Variants in SIPA1L2 observed in about 807,000 individuals in gnomAD.
SIPA1L2 encodes signal-induced proliferation-associated 1-like protein 2.
In SIPA1L2, 56 loss-of-function variants were observed where a neutral mutation model predicts 163.9. That is an observed-to-expected ratio of 0.34 (90% CI 0.28 to 0.43). The LOEUF (loss-of-function observed/expected upper bound fraction) is 0.43. Ranked by LOEUF, SIPA1L2 falls within the 20% of genes least tolerant of loss-of-function variation. The pLI is 1.00. For synonymous variants in SIPA1L2, 877 were observed against 865.7 expected (o/e 1.01, Z -0.23); for missense variants, 1,974 against 2,193.5 (o/e 0.90, Z 2.00).
intron 1 of SIPA1L2, among the ~76,000 whole-genome samples, chr1:232,606,361 G>T (rs1661919667): frequency 6.6e-6 from 1 of 152,034 alleles, no homozygotes; most frequent in Non-Finnish European, 1.5e-5. Context: ...ATGTCAAAAA[G>T]CATAGTACCA....
At chr1:232,490,620 C>T in intron 5 of SIPA1L2, 1 of 384,460 alleles carries the variant, frequency 2.6e-6, no homozygotes, top group Non-Finnish European at 4.7e-6. Context: ...ATCAGATGCA[C>T]TCTTGCAAGC....
intron 3 of SIPA1L2, among the ~76,000 whole-genome samples, chr1:232,504,577 A>G (rs1040386605): frequency 6.6e-6 from 1 of 152,174 alleles, no homozygotes; most frequent in Non-Finnish European, 1.5e-5. Flanking sequence ...CAACCTCAAG[A>G]AGTATCAAAC....
intron 17 of SIPA1L2, among the ~76,000 whole-genome samples, chr1:232,426,649 G>A (rs1242337628): frequency 1.3e-5 from 2 of 151,936 alleles, no homozygotes; most frequent in Non-Finnish European, 2.9e-5. Flanking sequence ...AACAGAGCAA[G>A]ACTCCGTCTT....
chr1:232,542,338 G>A (rs1657736747), intron 2 of SIPA1L2, among the ~76,000 whole-genome samples: 1 of 152,148 alleles, frequency 6.6e-6, no homozygotes, highest in South Asian at 2.1e-4. Context: ...TTAAAGATGT[G>A]GGCATTTCAT....
intron 3 of SIPA1L2, among the ~76,000 whole-genome samples, chr1:232,505,315 TA>T (rs1240630103): frequency 6.6e-6 from 1 of 152,232 alleles, no homozygotes; most frequent in Non-Finnish European, 1.5e-5. Flanking sequence ...ACAAAGTGTT[TA>T]AACTAAGTTT....
Position 232,428,575 on chromosome 1 carries a change from C to T in SIPA1L2, c.4257-11G>A. 1 of 1,505,698 alleles carries T rather than the reference C, an allele frequency of 6.6e-7. No individual in the cohort carries two copies. The allele number at this position is 1,505,698 out of a possible 1,614,324, so 93.3% of individuals were successfully genotyped here. ...ATCTCACTATACATCCTGTTGAAAA[C>T]AATCAGAATGGAAATTAAGCCTATT... is the stretch of plus-strand genomic sequence containing the variant. On this transcript the variant is annotated splice_polypyrimidine_tract_variant and intron_variant, in intron 16 of 22. Transcript: ENST00000674635.
At chr1:232,534,046 A>ATTCATATGAGGT (rs1309096476) in intron 2 of SIPA1L2, among the ~76,000 whole-genome samples, 25 of 152,160 alleles carry the variant, frequency 1.6e-4, no homozygotes, top group Non-Finnish European at 3.5e-4. Context: ...CTATCCTAAA[A>ATTCATATGAGGT]TTCATATGAA....
intron 2 of SIPA1L2, among the ~76,000 whole-genome samples, chr1:232,527,479 T>C (rs912248110): frequency 1.3e-5 from 2 of 152,210 alleles, no homozygotes; most frequent in East Asian, 3.8e-4. Flanking sequence ...AGACTCTTCT[T>C]TAAACATACT....
chr1:232,515,291 C>T lies in SIPA1L2; in HGVS notation c.49G>A (p.Ala17Thr), dbSNP rs1469017359. The change falls in exon 3 of 23, where the codon GCC becomes ACC. Residue 17 changes from alanine to threonine, a missense_variant. By Grantham distance (58) the Ala-to-Thr change is moderately conservative (BLOSUM62 0). Coordinates refer to ENST00000674635, the MANE Select transcript of SIPA1L2 (RefSeq NM_020808.5). ...SQEEKHKLGR[A>T]SSKFKDPPRI... ...GGGGGATCCTTGAACTTTGAAGAGGCTCTGCCTAGCTTGTGCTTCTCTTCT... is the reference window on the plus strand; with the variant it reads ...GGGGGATCCTTGAACTTTGAAGAGGTTCTGCCTAGCTTGTGCTTCTCTTCT... 6.2e-7 allele frequency: 1 copy of T among 1,611,812 alleles called. No homozygotes were observed.
intron 2 of SIPA1L2, among the ~76,000 whole-genome samples, chr1:232,544,036 G>A (rs1223322941): frequency 2.0e-5 from 3 of 152,096 alleles, no homozygotes; most frequent in Non-Finnish European, 4.4e-5. Context: ...TAAAATTACG[G>A]TTAATATTTT....
chr1:232,478,212 A>G (rs1252352107), intron 7 of SIPA1L2, among the ~76,000 whole-genome samples: 1 of 152,244 alleles, frequency 6.6e-6, no homozygotes, highest in Non-Finnish European at 1.5e-5. Context: ...TTAAAAATAC[A>G]CAGATGTGTA....
At chr1:232,471,227 G>T in intron 8 of SIPA1L2, 144 bp downstream of exon 8, 1 of 853,106 alleles carries the variant, frequency 1.2e-6, no homozygotes, top group Non-Finnish European at 1.8e-6. Context: ...TGGGAAGAAG[G>T]CAATTATTTC....
At chr1:232,624,974 A>G (rs1662998790) in intron 1 of SIPA1L2, among the ~76,000 whole-genome samples, 1 of 152,326 alleles carries the variant, frequency 6.6e-6, no homozygotes, top group African/African-American at 2.4e-5. Context: ...GTCACAGATC[A>G]CAGTGTGACC....
intron 2 of SIPA1L2, among the ~76,000 whole-genome samples, chr1:232,541,292 A>ATAACATAACG (rs1657660572): frequency 1.4e-5 from 2 of 140,086 alleles, no homozygotes; most frequent in Non-Finnish European, 3.2e-5. Flanking sequence ...ATAACATAAC[A>ATAACATAACG]TAACATAACA....
intron 10 of SIPA1L2, among the ~76,000 whole-genome samples, chr1:232,448,363 C>A (rs1225660099): frequency 6.6e-6 from 1 of 152,182 alleles, no homozygotes; most frequent in Non-Finnish European, 1.5e-5. Context: ...CTAGACATTC[C>A]AGAGCCAACA....
At chr1:232,477,908 TTGAATACTCGATGAC>T (rs1665129746) in intron 7 of SIPA1L2, among the ~76,000 whole-genome samples, 1 of 152,194 alleles carries the variant, frequency 6.6e-6, no homozygotes, top group Non-Finnish European at 1.5e-5. Context: ...GCTTTGTGGT[TTGAATACTCGATGAC>T]GGGGGTCAAA....
At chr1:232,552,151 G>A (rs12561929) in intron 2 of SIPA1L2, among the ~76,000 whole-genome samples, 3,722 of 152,234 alleles carry the variant, frequency 0.024, 131 homozygotes, top group East Asian at 0.095. Flanking sequence ...AGAATAGTAA[G>A]TTTTTAAGCC....
chr1:232,526,206 C>A (rs571728493), intron 2 of SIPA1L2, among the ~76,000 whole-genome samples: 1 of 152,210 alleles, frequency 6.6e-6, no homozygotes, highest in South Asian at 2.1e-4. Context: ...CAGGAAAACA[C>A]AGACCCGGCC....
At chr1:232,428,370 T>A in intron 17 of SIPA1L2, 41 bp downstream of exon 17, 12 of 1,344,034 alleles carry the variant, frequency 8.9e-6, no homozygotes, top group Non-Finnish European at 8.8e-6. Context: ...TTTTTTTTTT[T>A]TAGTGTTTCT....
Sources: gnomAD v4.1 joint callset for allele counts (sites outside exome capture counted in the v4.1 genomes callset) on GRCh38, gnomAD v4.1.1 for gene constraint, MANE v1.5 for transcripts, NCBI Gene and HGNC (gene_info 2026-07-23, HGNC 2026-07-21) for gene names.